Variants in SYT1 observed in about 807,000 individuals in gnomAD.
SYT1 encodes the protein synaptotagmin-1.
A neutral mutation model predicts 44.8 loss-of-function variants in SYT1; 8 were observed. The observed-to-expected ratio is 0.18, with a 90% CI of 0.10 to 0.32. SYT1 has a LOEUF of 0.32. Ranked by LOEUF, SYT1 falls within the 10% of genes least tolerant of loss-of-function variation. The pLI, the probability that SYT1 is intolerant of heterozygous loss-of-function variation, is 1.00. For missense variants in SYT1, 286 were observed against 509.3 expected (o/e 0.56, Z 4.22); for synonymous variants, 154 against 188.8 (o/e 0.82, Z 1.51).
intron 3 of SYT1, among the ~76,000 whole-genome samples, chr12:79,214,292 G>A (rs1452302316): frequency 6.6e-6 from 1 of 152,072 alleles, no homozygotes; most frequent in African/African-American, 2.4e-5. Context: ...TAACAGGGAT[G>A]ATATCATTGG....
intron 3 of SYT1, among the ~76,000 whole-genome samples, chr12:79,143,323 C>T (rs1869679080): frequency 2.6e-5 from 4 of 152,150 alleles, no homozygotes; most frequent in African/African-American, 9.7e-5. Context: ...TATAGTACAA[C>T]TTATTAGGCC....
chr12:79,082,091 C>A (rs1157320228), intron 3 of SYT1, among the ~76,000 whole-genome samples: 2 of 152,164 alleles, frequency 1.3e-5, no homozygotes, highest in African/African-American at 4.8e-5. Flanking sequence ...CTCAAATGCC[C>A]ATCTATTGAA....
At chr12:79,378,486 G>C (rs926280944) in intron 9 of SYT1, among the ~76,000 whole-genome samples, 6 of 152,174 alleles carry the variant, frequency 3.9e-5, no homozygotes, top group Admixed American at 2.6e-4. Context: ...AATTTGTAAA[G>C]AAAATCGCTT....
intron 8 of SYT1, among the ~76,000 whole-genome samples, chr12:79,330,475 T>C (rs1592972402): frequency 2.0e-5 from 3 of 152,294 alleles, no homozygotes; most frequent in East Asian, 3.9e-4. Flanking sequence ...AGAAAGAGCA[T>C]GGATGTCTGT....
intron 3 of SYT1, among the ~76,000 whole-genome samples, chr12:79,193,263 A>C (rs1414730514): frequency 6.6e-6 from 1 of 152,228 alleles, no homozygotes; most frequent in Non-Finnish European, 1.5e-5. Context: ...ATAAATAATA[A>C]ATATAATGCT....
At chr12:79,216,792 G>C (rs1874834640) in intron 3 of SYT1, among the ~76,000 whole-genome samples, 1 of 152,036 alleles carries the variant, frequency 6.6e-6, no homozygotes, top group African/African-American at 2.4e-5. Flanking sequence ...AAACTTATAA[G>C]TTATGTTTCA....
chr12:79,371,365 A>G (rs1456121023), intron 9 of SYT1, among the ~76,000 whole-genome samples: 1 of 152,210 alleles, frequency 6.6e-6, no homozygotes, highest in African/African-American at 2.4e-5. Context: ...AATGCTCTTG[A>G]GCAGCAAAAT....
intron 3 of SYT1, among the ~76,000 whole-genome samples, chr12:79,110,535 A>T (rs1459464224): frequency 6.6e-6 from 1 of 152,202 alleles, no homozygotes; most frequent in Non-Finnish European, 1.5e-5. Flanking sequence ...ATTTACAAAT[A>T]GCATGTTTTC....
chr12:79,150,342 G>A (rs1870193493), intron 3 of SYT1, among the ~76,000 whole-genome samples: 1 of 152,096 alleles, frequency 6.6e-6, no homozygotes, highest in Non-Finnish European at 1.5e-5. Flanking sequence ...AGTAAAATAA[G>A]CAGGCACCAA....
intron 3 of SYT1, among the ~76,000 whole-genome samples, chr12:79,067,259 T>G (rs865869645): frequency 6.6e-6 from 1 of 152,168 alleles, no homozygotes; most frequent in African/African-American, 2.4e-5. Context: ...ACCTATCTAT[T>G]TTTTTCAAAT....
In SYT1 at chr12:79,386,779, C is replaced by T. The variant is rs185042767; in HGVS notation, c.928+33160C>T. 9.5e-4 allele frequency among the ~76,000 whole-genome samples: 145 copies of T among 152,306 alleles called. 1 individual carries two copies. The highest frequency in any genetic ancestry group is 1.7e-3 in the Non-Finnish European group (116 of 68,030). ...TATTAGTTTCCAAGTCTCCTCAATG[C>T]CTAGCCTCGTGCATCCATGGGTCTG... On this transcript the variant is annotated intron_variant, in intron 9 of 10. Transcript: ENST00000261205.
chr12:79,180,662 G>A (rs12831921), intron 3 of SYT1, among the ~76,000 whole-genome samples: 107,613 of 151,118 alleles, frequency 0.71, 38,871 homozygotes, highest in African/African-American at 0.8. Context: ...GAAGGGGGAG[G>A]TGCCACACAC....
intron 1 of SYT1, among the ~76,000 whole-genome samples, chr12:78,956,499 A>T (rs1390424746): frequency 6.6e-6 from 1 of 151,994 alleles, no homozygotes; most frequent in Non-Finnish European, 1.5e-5. Context: ...AGAAAACTTG[A>T]GGAGGTTTTA....
At chr12:78,998,016 T>C (rs1870491792) in intron 2 of SYT1, among the ~76,000 whole-genome samples, 1 of 152,142 alleles carries the variant, frequency 6.6e-6, no homozygotes, top group Non-Finnish European at 1.5e-5. Flanking sequence ...AATTGGCTCC[T>C]ATCAGATCTT....
At chr12:79,236,852 C>T (rs935868201) in intron 4 of SYT1, among the ~76,000 whole-genome samples, 7 of 152,066 alleles carry the variant, frequency 4.6e-5, no homozygotes, top group Admixed American at 2.0e-4. Flanking sequence ...TTGTGAGAGA[C>T]GTGTAGAGGA....
At chr12:79,232,491 T>A (rs1014323113) in intron 4 of SYT1, among the ~76,000 whole-genome samples, 3 of 152,146 alleles carry the variant, frequency 2.0e-5, no homozygotes, top group African/African-American at 7.2e-5. Context: ...TTATACAAAT[T>A]GTCTCCTCTG....
intron 3 of SYT1, among the ~76,000 whole-genome samples, chr12:79,049,764 G>A (rs1303935226): frequency 1.3e-5 from 2 of 151,896 alleles, no homozygotes; most frequent in African/African-American, 4.8e-5. Flanking sequence ...ATAAATGAAA[G>A]CTTTTTAGCA....
chr12:79,151,146 A>G (rs1019761303), intron 3 of SYT1, among the ~76,000 whole-genome samples: 1 of 152,162 alleles, frequency 6.6e-6, no homozygotes, highest in Non-Finnish European at 1.5e-5. Context: ...TGATAAACCT[A>G]TTGAAGAAAC....
At chr12:79,274,390 C>T (rs1028767120) in intron 4 of SYT1, among the ~76,000 whole-genome samples, 2 of 152,170 alleles carry the variant, frequency 1.3e-5, no homozygotes, top group African/African-American at 4.8e-5. Context: ...TGAGACACAC[C>T]ATGTCAGGGG....
Sources: allele counts gnomAD v4.1 joint callset (sites outside exome capture counted in the v4.1 genomes callset), GRCh38; gene constraint gnomAD v4.1.1; transcripts MANE v1.5; gene names NCBI Gene and HGNC (gene_info 2026-07-23, HGNC 2026-07-21).